VRK1: variants seen among roughly 807,000 people sequenced by gnomAD.
VRK1 encodes VRK serine/threonine kinase 1.
In VRK1, 33 loss-of-function variants were observed where a neutral mutation model predicts 57.1. That is an observed-to-expected ratio of 0.58 (90% confidence interval 0.44 to 0.77). VRK1 has a LOEUF of 0.77. VRK1 is among the 30% of genes least tolerant of loss of function. The pLI, the probability that VRK1 is intolerant of heterozygous loss-of-function variation, is 0.00. For missense variants in VRK1, 413 were observed against 477.3 expected, an observed-to-expected ratio of 0.87 and a Z score of 1.25; for synonymous variants, 137 against 147.8, an observed-to-expected ratio of 0.93 and a Z score of 0.53.
chr14:96,812,656 A>G (rs1886249622), intron 1 of VRK1, among the ~76,000 whole-genome samples: 1 of 152,174 alleles, frequency 6.6e-6, no homozygotes, highest in South Asian at 2.1e-4. Flanking sequence ...TTAACTCAAA[A>G]TGTTTTTTCT....
intron 5 of VRK1, among the ~76,000 whole-genome samples, chr14:96,851,140 AT>A (rs771195713): frequency 0.013 from 1,847 of 144,990 alleles, 18 homozygotes; most frequent in African/African-American, 0.031. Context: ...TTTGTCACAA[AT>A]TTTTTTTTTT....
chr14:96,803,286 C>T (rs941124433), intron 1 of VRK1, among the ~76,000 whole-genome samples: 5 of 151,756 alleles, frequency 3.3e-5, no homozygotes, highest in Admixed American at 2.6e-4. Context: ...ATTCTCTTGC[C>T]TCAGCCTCCC....
intron 1 of VRK1, among the ~76,000 whole-genome samples, chr14:96,805,984 C>CTTTTT (rs368273142): frequency 2.4e-5 from 3 of 126,372 alleles, no homozygotes; most frequent in Non-Finnish European, 3.5e-5. Context: ...GAGAATTTTT[C>CTTTTT]TTTTTTTTTT....
intron 1 of VRK1, among the ~76,000 whole-genome samples, chr14:96,828,678 T>G (rs914676974): frequency 6.6e-6 from 1 of 152,106 alleles, no homozygotes; most frequent in African/African-American, 2.4e-5. Context: ...TGCCACCAAG[T>G]ATAATTTTTT....
chr14:96,856,596 G>A lies in VRK1; in HGVS notation c.889+10G>A, dbSNP rs1456272984. 1.2e-6 allele frequency: 2 copies of A among 1,610,784 alleles called. No individual in the cohort carries two copies. Among genetic ancestry groups the A allele is most frequent in the East Asian group, 2.2e-5 (1 of 44,792 alleles). The stretch of plus-strand genomic sequence containing the variant: ...GAGAAAAACAAACCAGGTAGGAAAT[G>A]ACTTCTTCAGTGTTAATAGGGATTT... On this transcript the variant is annotated intron_variant, in intron 10 of 12. Transcript: ENST00000216639.
intron 1 of VRK1, among the ~76,000 whole-genome samples, chr14:96,802,578 C>A (rs924196596): frequency 2.0e-5 from 3 of 152,162 alleles, no homozygotes; most frequent in African/African-American, 7.2e-5. Flanking sequence ...ACCGGTTTTG[C>A]TGGGGTTAGG....
chr14:96,854,675 A>C (rs1167688544), intron 7 of VRK1, among the ~76,000 whole-genome samples: 1 of 152,228 alleles, frequency 6.6e-6, no homozygotes, highest in Non-Finnish European at 1.5e-5. Context: ...CTGATCTAAC[A>C]GTTCTTTAGA....
At chr14:96,850,834 G>A (rs1334753283) in intron 5 of VRK1, among the ~76,000 whole-genome samples, 1 of 152,180 alleles carries the variant, frequency 6.6e-6, no homozygotes, top group African/African-American at 2.4e-5. Context: ...CTGAAAATGG[G>A]AAATCCAAAA....
At chr14:96,828,127 G>A (rs1431623175) in intron 1 of VRK1, among the ~76,000 whole-genome samples, 2 of 148,586 alleles carry the variant, frequency 1.3e-5, no homozygotes, top group Non-Finnish European at 3.0e-5. Context: ...TGTTTGGTAT[G>A]TCCATCCGTC....
chr14:96,855,632 A>G (rs1888124745), intron 8 of VRK1, among the ~76,000 whole-genome samples: 1 of 152,166 alleles, frequency 6.6e-6, no homozygotes, highest in Admixed American at 6.5e-5. Context: ...GGTTTTATTT[A>G]GTTTAATTGG....
chr14:96,850,065 C>T (rs1416760262), intron 5 of VRK1, among the ~76,000 whole-genome samples: 4 of 152,256 alleles, frequency 2.6e-5, no homozygotes, highest in African/African-American at 9.6e-5. Context: ...GATGACTTTA[C>T]CTCCCAGCCC....
intron 1 of VRK1, among the ~76,000 whole-genome samples, chr14:96,816,436 C>T (rs554247891): frequency 2.0e-5 from 3 of 152,260 alleles, no homozygotes; most frequent in African/African-American, 7.2e-5. Flanking sequence ...CACAGAATTA[C>T]CCTACTTCCT....
chr14:96,844,549 T>A (rs920812653), intron 3 of VRK1, among the ~76,000 whole-genome samples: 6 of 152,194 alleles, frequency 3.9e-5, no homozygotes, highest in African/African-American at 1.4e-4. Context: ...AAGTACTTTA[T>A]TTTTATTTTT....
intron 12 of VRK1, among the ~76,000 whole-genome samples, chr14:96,878,785 G>A (rs191728142): frequency 2.1e-4 from 32 of 152,188 alleles, no homozygotes; most frequent in African/African-American, 7.5e-4. Flanking sequence ...AGAAAATTTG[G>A]TTACTGGCTG....
At chr14:96,864,641 T>C (rs1888512835) in intron 11 of VRK1, among the ~76,000 whole-genome samples, 1 of 152,268 alleles carries the variant, frequency 6.6e-6, no homozygotes, top group Non-Finnish European at 1.5e-5. Context: ...TGCTGCAGCC[T>C]AGGGCTTACT....
At position 96,881,463 on chromosome 14, in the gene VRK1, G is replaced by T; in HGVS notation, c.*255G>T. ...AAAGCCGTGTGTTTGTGATGTTTTG[G>T]AGTACATATATATGAAAATTATTAT... On this transcript the variant is annotated 3_prime_UTR_variant, in exon 13 of 13. Coordinates refer to ENST00000216639, the MANE Select transcript of VRK1 (RefSeq NM_003384.3). 5.1e-6 allele frequency: 2 copies of T among 391,256 alleles called. No individual in the cohort carries two copies. Among genetic ancestry groups the T allele is most frequent in the Non-Finnish European group, 9.1e-6 (2 of 219,794 alleles). The allele number at this position is 391,256 out of a possible 1,614,324, so 24.2% of individuals were successfully genotyped here.
chr14:96,856,907 GCAGTGAGCCGAGATTGTGCCACTGCACAC>G, intron 10 of VRK1, among the ~76,000 whole-genome samples: 1 of 152,178 alleles, frequency 6.6e-6, no homozygotes, highest in Non-Finnish European at 1.5e-5. Flanking sequence ...GGCGGAGGTT[GCAGTGAGCCGAGATTGTGCCACTGCACAC>G]CAGCCTGGGT....
intron 11 of VRK1, among the ~76,000 whole-genome samples, chr14:96,865,440 A>G (rs1183198000): frequency 6.6e-6 from 1 of 152,198 alleles, no homozygotes; most frequent in Non-Finnish European, 1.5e-5. Flanking sequence ...TGTCTTCATA[A>G]TGATACCTGA....
At chr14:96,847,378 C>G (rs1887748709) in intron 5 of VRK1, 34 bp downstream of exon 5, 5 of 1,551,776 alleles carry the variant, frequency 3.2e-6, no homozygotes, top group Non-Finnish European at 4.4e-6. Flanking sequence ...TTCTCCTTCC[C>G]TTTTGCAACA....
Sources: allele counts gnomAD v4.1 joint callset (sites outside exome capture counted in the v4.1 genomes callset), GRCh38; gene constraint gnomAD v4.1.1; transcripts MANE v1.5; gene names NCBI Gene and HGNC (gene_info 2026-07-23, HGNC 2026-07-21).